The following BCAT1 variants were observed in gnomAD, a reference collection of about 807,000 sequenced individuals.
BCAT1 encodes the protein branched-chain-amino-acid aminotransferase, cytosolic.
A neutral mutation model predicts 52.4 loss-of-function variants in BCAT1; 48 were observed. The ratio of observed to expected loss-of-function variants is 0.92; its 90% CI spans 0.73 to 1.16. The LOEUF (loss-of-function observed/expected upper bound fraction) is 1.16, where lower values mean the gene tolerates loss of function less well. Among genes scored for constraint, BCAT1 ranks in the 50% most tolerant of loss-of-function variants. The pLI is 0.00. For synonymous variants in BCAT1, 167 were observed against 161.3 expected, an observed-to-expected ratio of 1.04 and a Z score of -0.27; for missense variants, 451 against 457.1, an observed-to-expected ratio of 0.99 and a Z score of 0.12.
chr12:24,831,992 A>G (rs542245086), intron 9 of BCAT1, among the ~76,000 whole-genome samples: 1 of 152,350 alleles, frequency 6.6e-6, no homozygotes, highest in South Asian at 2.1e-4. Flanking sequence ...AGGTTTGCCA[A>G]TGAATAATTC....
intron 5 of BCAT1, among the ~76,000 whole-genome samples, chr12:24,874,275 T>C (rs993267404): frequency 2.0e-5 from 3 of 152,114 alleles, no homozygotes; most frequent in South Asian, 2.1e-4. Flanking sequence ...GATTGCACCA[T>C]TGCACTCCAG....
At chr12:24,917,344 A>G (rs187917568) in intron 1 of BCAT1, among the ~76,000 whole-genome samples, 47 of 152,108 alleles carry the variant, frequency 3.1e-4, no homozygotes, top group African/African-American at 1.1e-3. Flanking sequence ...ACGCCCGGCT[A>G]ATTTTGTTTT....
intron 4 of BCAT1, among the ~76,000 whole-genome samples, chr12:24,878,850 T>C (rs542209295): frequency 6.6e-6 from 1 of 152,314 alleles, no homozygotes; most frequent in Admixed American, 6.5e-5. Flanking sequence ...TTACACATTA[T>C]ATGCATGCAT....
chr12:24,830,906 A>C (rs1426286983), intron 9 of BCAT1: 1 of 152,238 alleles, frequency 6.6e-6, no homozygotes, highest in Non-Finnish European at 1.5e-5. Context: ...CAAATGAAGC[A>C]GCCATTATTA....
At chr12:24,928,744 T>C (rs1275227502) in intron 1 of BCAT1, among the ~76,000 whole-genome samples, 1 of 142,652 alleles carries the variant, frequency 7.0e-6, no homozygotes, top group Non-Finnish European at 1.5e-5. Flanking sequence ...GTTGTTGTTG[T>C]TGTTGTTTGA....
chr12:24,941,359 G>C (rs1055627280), intron 1 of BCAT1, among the ~76,000 whole-genome samples: 4 of 152,174 alleles, frequency 2.6e-5, no homozygotes, highest in Non-Finnish European at 5.9e-5. Flanking sequence ...ATATGTGTTT[G>C]GCAATAGGCA....
chr12:24,885,796 G>A (rs1380068497), intron 3 of BCAT1, among the ~76,000 whole-genome samples: 3 of 152,102 alleles, frequency 2.0e-5, no homozygotes, highest in South Asian at 2.1e-4. Flanking sequence ...AGTACCGCCC[G>A]TTTAAATGGT....
chr12:24,835,595 AATTT>A (rs1313570344), intron 8 of BCAT1, among the ~76,000 whole-genome samples: 2 of 143,456 alleles, frequency 1.4e-5, no homozygotes, highest in Non-Finnish European at 3.1e-5. Flanking sequence ...TTATTTATTT[AATTT>A]ACTTTTAGAG....
intron 5 of BCAT1, among the ~76,000 whole-genome samples, chr12:24,855,458 G>A (rs924216469): frequency 6.6e-6 from 1 of 152,118 alleles, no homozygotes; most frequent in East Asian, 1.9e-4. Flanking sequence ...TTGGCTCACT[G>A]CAACCTCCAC....
rs1265481207 is a variant in BCAT1 at position 24,816,808 on chromosome 12, T to C, written c.*1200A>G. 3 of 373,196 alleles carry C rather than the reference T, an allele frequency of 8.0e-6. No individual in the cohort carries two copies. The highest frequency in any genetic ancestry group is 2.1e-5 in the African/African-American group (1 of 48,050). 23.1% of individuals were successfully genotyped at this position (373,196 alleles called of 1,614,324 possible). ...CTGTTACACCTCAGGTCATCAAGCA[T>C]TAGATTCTCATAAGGAGCGCATAGC... is the stretch of plus-strand genomic sequence containing the variant. On this transcript the variant is annotated 3_prime_UTR_variant, in exon 11 of 11. Transcript: ENST00000261192.
chr12:24,864,085 G>A (rs1591819136), intron 5 of BCAT1, among the ~76,000 whole-genome samples: 1 of 152,174 alleles, frequency 6.6e-6, no homozygotes, highest in African/African-American at 2.4e-5. Flanking sequence ...TACTATAAAA[G>A]CAGAGGTGAG....
At chr12:24,935,995 A>G (rs1253529696) in intron 1 of BCAT1, among the ~76,000 whole-genome samples, 1 of 152,190 alleles carries the variant, frequency 6.6e-6, no homozygotes, top group East Asian at 1.9e-4. Flanking sequence ...CCAAGTCCTC[A>G]CCAGCAGCGC....
chr12:24,844,091 T>C (rs930951038), intron 6 of BCAT1, among the ~76,000 whole-genome samples: 4 of 152,148 alleles, frequency 2.6e-5, no homozygotes, highest in Non-Finnish European at 1.5e-5. Flanking sequence ...AAATAATTGC[T>C]TTAGCCCCTA....
rs1031591145 is a variant in BCAT1 at position 24,901,989 on chromosome 12, A to G, written c.7-104T>C. The G allele has an allele frequency of 2.5e-6, 4 of 1,602,594 alleles. No homozygotes were observed. The Admixed American group carries it at 6.8e-5, about 27-fold the overall frequency. ...ATGATACCGTGCGCTCCTCTCCAGG[A>G]CCCAGGCAAACACAAAAAAGGAGGC... is the stretch of plus-strand genomic sequence containing the variant. On this transcript the variant is annotated intron_variant, in intron 1 of 10. Coordinates refer to ENST00000261192, the MANE Select transcript of BCAT1 (RefSeq NM_005504.7).
intron 1 of BCAT1, among the ~76,000 whole-genome samples, chr12:24,941,377 C>T (rs1293074682): frequency 2.6e-5 from 4 of 152,140 alleles, no homozygotes; most frequent in African/African-American, 7.2e-5. Flanking sequence ...GCATTAAGAC[C>T]GTGTAAATAC....
chr12:24,898,386 A>G (rs910629307), intron 2 of BCAT1, among the ~76,000 whole-genome samples: 1 of 152,134 alleles, frequency 6.6e-6, no homozygotes, highest in Non-Finnish European at 1.5e-5. Context: ...AAAACAGGGC[A>G]TATTAAAAAC....
At chr12:24,827,586 G>A (rs910713271) in intron 10 of BCAT1, among the ~76,000 whole-genome samples, 11 of 152,188 alleles carry the variant, frequency 7.2e-5, no homozygotes, top group South Asian at 6.2e-4. Context: ...GAGGCTAGGA[G>A]TTTGAGACCA....
intron 5 of BCAT1, among the ~76,000 whole-genome samples, chr12:24,877,729 C>T (rs1395485477): frequency 6.6e-6 from 1 of 152,206 alleles, no homozygotes; most frequent in Non-Finnish European, 1.5e-5. Context: ...GAAGTACTGC[C>T]ACAATGGGAG....
intron 1 of BCAT1, among the ~76,000 whole-genome samples, chr12:24,917,629 A>G (rs1943439031): frequency 6.6e-6 from 1 of 152,176 alleles, no homozygotes; most frequent in Admixed American, 6.5e-5. Context: ...AGAAAAAAAA[A>G]TCAGAATAAA....
Sources: gnomAD v4.1 joint callset for allele counts (sites outside exome capture counted in the v4.1 genomes callset) on GRCh38, gnomAD v4.1.1 for gene constraint, MANE v1.5 for transcripts, NCBI Gene and HGNC (gene_info 2026-07-23, HGNC 2026-07-21) for gene names.